The following CSMD3 variants were observed in gnomAD, a reference collection of about 807,000 sequenced individuals.
CSMD3 encodes the protein CUB and sushi domain-containing protein 3.
In CSMD3, 177 loss-of-function variants were observed where a neutral mutation model predicts 435.2. That is an observed-to-expected ratio of 0.41 (90% CI 0.36 to 0.46). The LOEUF is 0.46. Among genes scored for constraint, CSMD3 ranks in the 20% least tolerant of loss-of-function variants. CSMD3 has a pLI of 0.34. For synonymous variants in CSMD3, 1,656 were observed against 1,520.5 expected (o/e 1.09, Z -2.07); for missense variants, 4,265 against 4,504.6 (o/e 0.95, Z 1.52).
chr8:113,183,874 ACTT>A (rs1183279156), intron 3 of CSMD3, among the ~76,000 whole-genome samples: 1 of 151,958 alleles, frequency 6.6e-6, no homozygotes, highest in Non-Finnish European at 1.5e-5. Flanking sequence ...GGCACAGAAA[ACTT>A]CTCTGACCAC....
chr8:113,332,944 A>T (rs2094039504), intron 1 of CSMD3, among the ~76,000 whole-genome samples: 1 of 151,770 alleles, frequency 6.6e-6, no homozygotes, highest in African/African-American at 2.4e-5. Flanking sequence ...AGATTAATTG[A>T]ATAAAATTGA....
At chr8:112,997,305 C>G (rs892411282) in intron 6 of CSMD3, among the ~76,000 whole-genome samples, 1 of 151,564 alleles carries the variant, frequency 6.6e-6, no homozygotes, top group Non-Finnish European at 1.5e-5. Context: ...TAACTAAAAA[C>G]TCAATTTCTA....
intron 2 of CSMD3, among the ~76,000 whole-genome samples, chr8:113,281,466 T>C (rs1314306238): frequency 2.0e-5 from 3 of 151,842 alleles, no homozygotes; most frequent in African/African-American, 7.2e-5. Context: ...AAGTTGGTTT[T>C]CTCTAAGAAC....
intron 22 of CSMD3, among the ~76,000 whole-genome samples, chr8:112,597,421 C>T (rs918398548): frequency 1.4e-4 from 19 of 137,230 alleles, no homozygotes; most frequent in South Asian, 5.1e-4. Context: ...GATTCACAGC[C>T]GAATTCTACC....
intron 32 of CSMD3, among the ~76,000 whole-genome samples, chr8:112,435,813 T>TTC (rs1814270964): frequency 6.6e-6 from 1 of 151,778 alleles, no homozygotes; most frequent in Non-Finnish European, 1.5e-5. Flanking sequence ...GCATTTTTCC[T>TTC]CTCTGTATTT....
intron 10 of CSMD3, among the ~76,000 whole-genome samples, chr8:112,868,243 C>A (rs753041227): frequency 6.6e-6 from 1 of 151,976 alleles, no homozygotes; most frequent in African/African-American, 2.4e-5. Context: ...GATGACAGTG[C>A]CTTCTCCTAG....
chr8:112,421,629 C>T (rs964279744), intron 32 of CSMD3, among the ~76,000 whole-genome samples: 1 of 145,962 alleles, frequency 6.9e-6, no homozygotes, highest in East Asian at 2.0e-4. Flanking sequence ...CATATGTACA[C>T]ATATATGTAA....
At chr8:113,388,601 A>G (rs16884599) in intron 1 of CSMD3, among the ~76,000 whole-genome samples, 9,698 of 151,600 alleles carry the variant, frequency 0.064, 746 homozygotes, top group African/African-American at 0.18. Context: ...CACACATGGT[A>G]GTTATATTGA....
At chr8:112,778,782 A>G (rs368140261) in intron 13 of CSMD3, among the ~76,000 whole-genome samples, 11 of 152,040 alleles carry the variant, frequency 7.2e-5, no homozygotes, top group African/African-American at 2.4e-4. Flanking sequence ...TGGCTATACC[A>G]TTTTGCATTT....
intron 4 of CSMD3, among the ~76,000 whole-genome samples, chr8:113,120,740 G>A (rs1008807854): frequency 2.0e-5 from 3 of 152,014 alleles, no homozygotes; most frequent in African/African-American, 7.2e-5. Context: ...GTACATATCT[G>A]GGTCACCTTT....
intron 3 of CSMD3, among the ~76,000 whole-genome samples, chr8:113,196,394 A>C (rs1226734454): frequency 1.3e-5 from 2 of 151,280 alleles, no homozygotes; most frequent in African/African-American, 2.4e-5. Context: ...AGGTGGGCAG[A>C]TTGGGGTGAA....
chr8:112,655,004 C>A (rs536796671), intron 18 of CSMD3, among the ~76,000 whole-genome samples: 36 of 152,084 alleles, frequency 2.4e-4, no homozygotes, highest in Non-Finnish European at 4.6e-4. Context: ...TGTGTGCATT[C>A]TCTTATTGCA....
intron 3 of CSMD3, among the ~76,000 whole-genome samples, chr8:113,244,611 G>A (rs2093256431): frequency 6.6e-6 from 1 of 152,082 alleles, no homozygotes; most frequent in Non-Finnish European, 1.5e-5. Flanking sequence ...ACCGCGCCTG[G>A]CCTACATTAA....
chr8:112,387,147 C>A (rs1377715846), intron 36 of CSMD3, among the ~76,000 whole-genome samples: 1 of 152,094 alleles, frequency 6.6e-6, no homozygotes, highest in East Asian at 1.9e-4. Flanking sequence ...ACAAATGAAT[C>A]CACTCTTTGC....
chr8:112,794,441 C>T (rs956661871), intron 13 of CSMD3, among the ~76,000 whole-genome samples: 8 of 151,674 alleles, frequency 5.3e-5, no homozygotes, highest in East Asian at 1.9e-4. Context: ...ATCACAGGCA[C>T]GCACCACCAC....
chr8:113,393,070 T>C (rs949979932), intron 1 of CSMD3, among the ~76,000 whole-genome samples: 1 of 151,964 alleles, frequency 6.6e-6, no homozygotes, highest in Non-Finnish European at 1.5e-5. Context: ...TGGCACAATT[T>C]ACTCTTTTGT....
intron 32 of CSMD3, among the ~76,000 whole-genome samples, chr8:112,457,654 G>A (rs185507785): frequency 1.2e-4 from 19 of 152,102 alleles, no homozygotes; most frequent in African/African-American, 4.6e-4. Flanking sequence ...TTAGGAGCAG[G>A]GAATAGGTGA....
At chr8:112,231,695 T>G (rs1813102579) in intron 68 of CSMD3, 63 bp from the exon 69 acceptor site, 1 of 954,852 alleles carries the variant, frequency 1.0e-6, no homozygotes, top group Non-Finnish European at 1.7e-6. Context: ...TTCCCAGCCT[T>G]AATAAATACA....
At chr8:112,509,171 C>A (rs1822839128) in intron 28 of CSMD3, among the ~76,000 whole-genome samples, 1 of 151,596 alleles carries the variant, frequency 6.6e-6, no homozygotes, top group African/African-American at 2.4e-5. Flanking sequence ...CTCACTGCAG[C>A]CTTGACCTCC....
Sources: gnomAD v4.1 joint callset for allele counts (sites outside exome capture counted in the v4.1 genomes callset) on GRCh38, gnomAD v4.1.1 for gene constraint, MANE v1.5 for transcripts, NCBI Gene and HGNC (gene_info 2026-07-23, HGNC 2026-07-21) for gene names.